Variants in SGCZ observed in about 807,000 individuals in gnomAD.
SGCZ encodes the protein zeta-sarcoglycan.
A neutral mutation model predicts 41.3 loss-of-function variants in SGCZ; 40 were observed. The observed-to-expected ratio is 0.97, with a 90% CI of 0.75 to 1.26. The LOEUF (loss-of-function observed/expected upper bound fraction) is 1.26. Among genes scored for constraint, SGCZ ranks in the 50% most tolerant of loss-of-function variants. The pLI is 0.00. For missense variants in SGCZ, 552 were observed against 369.8 expected (o/e 1.49, Z -4.04); for synonymous variants, 206 against 137.5 (o/e 1.50, Z -3.49).
intron 1 of SGCZ, among the ~76,000 whole-genome samples, chr8:14,686,577 A>ACGGC (rs1808618210): frequency 6.6e-6 from 1 of 152,056 alleles, no homozygotes; most frequent in Non-Finnish European, 1.5e-5. Context: ...AAACAGGAAG[A>ACGGC]CGGCCAGGTT....
intron 5 of SGCZ, among the ~76,000 whole-genome samples, chr8:14,157,124 A>C (rs1803899053): frequency 6.6e-6 from 1 of 151,970 alleles, no homozygotes; most frequent in Admixed American, 6.6e-5. Context: ...ACAAACATAT[A>C]AGTAGTATGT....
intron 3 of SGCZ, among the ~76,000 whole-genome samples, chr8:14,279,191 G>T (rs190617651): frequency 4.6e-5 from 7 of 151,332 alleles, no homozygotes; most frequent in Non-Finnish European, 8.8e-5. Context: ...GAGGAGCAAG[G>T]GGGGAAAGGG....
At chr8:14,923,780 T>C (rs1435564343) in intron 1 of SGCZ, among the ~76,000 whole-genome samples, 2 of 152,238 alleles carry the variant, frequency 1.3e-5, no homozygotes, top group Non-Finnish European at 2.9e-5. Flanking sequence ...TAAATTGTAT[T>C]TTATAATCAT....
chr8:14,088,978 T>C lies in SGCZ; in HGVS notation c.*1465A>G, dbSNP rs936601243. 8.6e-5 allele frequency among the ~76,000 whole-genome samples: 13 copies of C among 151,908 alleles called. No individual in the cohort carries two copies. The highest frequency in any genetic ancestry group is 3.1e-4 in the African/African-American group (13 of 41,410). On this transcript the variant is annotated 3_prime_UTR_variant, in exon 8 of 8. Coordinates refer to ENST00000382080, the MANE Select transcript of SGCZ (RefSeq NM_139167.4). ...GAGGGAGAAAAACGTTTGATTGACA[T>C]GTGAAAATTCAGGACTTACCTTATA...
At chr8:14,680,514 T>C (rs1163077480) in intron 1 of SGCZ, among the ~76,000 whole-genome samples, 2 of 152,064 alleles carry the variant, frequency 1.3e-5, no homozygotes, top group African/African-American at 4.8e-5. Flanking sequence ...CTAAAAATTA[T>C]CTATTAAAAA....
intron 1 of SGCZ, among the ~76,000 whole-genome samples, chr8:15,030,527 A>G (rs1164451706): frequency 6.6e-6 from 1 of 152,124 alleles, no homozygotes; most frequent in African/African-American, 2.4e-5. Flanking sequence ...GACTTAGAGG[A>G]TGTGGAAGAA....
At chr8:14,433,431 A>G (rs1412309052) in intron 2 of SGCZ, among the ~76,000 whole-genome samples, 1 of 152,228 alleles carries the variant, frequency 6.6e-6, no homozygotes, top group Non-Finnish European at 1.5e-5. Context: ...AACTAAAACT[A>G]GGTTATATGC....
chr8:14,458,951 G>A (rs541309185), intron 2 of SGCZ, among the ~76,000 whole-genome samples: 1 of 152,126 alleles, frequency 6.6e-6, no homozygotes, highest in African/African-American at 2.4e-5. Context: ...GTTCATAAAA[G>A]GTAAGGAAAT....
chr8:14,580,424 T>C (rs1442111545), intron 1 of SGCZ, among the ~76,000 whole-genome samples: 1 of 152,160 alleles, frequency 6.6e-6, no homozygotes, highest in African/African-American at 2.4e-5. Context: ...TAAAACACAG[T>C]TAAATAGAAG....
chr8:14,120,130 G>A (rs2117033115), intron 5 of SGCZ, among the ~76,000 whole-genome samples: 1 of 152,216 alleles, frequency 6.6e-6, no homozygotes, highest in East Asian at 1.9e-4. Flanking sequence ...TCTAAAAAAG[G>A]TATTATCATA....
At chr8:14,792,029 T>C (rs1800972583) in intron 1 of SGCZ, among the ~76,000 whole-genome samples, 1 of 152,214 alleles carries the variant, frequency 6.6e-6, no homozygotes, top group African/African-American at 2.4e-5. Flanking sequence ...TCTAGCATGT[T>C]CTCAGTAGTG....
intron 3 of SGCZ, among the ~76,000 whole-genome samples, chr8:14,250,561 G>A (rs1014868183): frequency 1.1e-4 from 17 of 152,092 alleles, no homozygotes; most frequent in Admixed American, 3.3e-4. Flanking sequence ...GTCCTAGAGC[G>A]ATATGGAACC....
chr8:14,970,606 T>A (rs1193673578), intron 1 of SGCZ, among the ~76,000 whole-genome samples: 3 of 152,192 alleles, frequency 2.0e-5, no homozygotes, highest in Non-Finnish European at 4.4e-5. Context: ...GAAAATCGGT[T>A]GTTCACATAT....
chr8:14,797,438 G>A (rs1034830128), intron 1 of SGCZ, among the ~76,000 whole-genome samples: 2 of 152,180 alleles, frequency 1.3e-5, no homozygotes, highest in South Asian at 4.1e-4. Flanking sequence ...CCCTATCTTA[G>A]AGCTCTGTGT....
chr8:14,246,300 C>T (rs187777632), intron 3 of SGCZ, among the ~76,000 whole-genome samples: 2,132 of 152,160 alleles, frequency 0.014, 42 homozygotes, highest in South Asian at 0.074. Flanking sequence ...TTTGTAGGGA[C>T]ACGGATGAAA....
In SGCZ at chr8:14,089,041, TAC is replaced by T. The variant is rs1801609672; in HGVS notation, c.*1400_*1401del. 1.3e-5 allele frequency among the ~76,000 whole-genome samples: 2 copies of T among 152,004 alleles called. No homozygotes were observed. Among genetic ancestry groups the T allele is most frequent in the Admixed American group, 1.3e-4 (2 of 15,218 alleles). On this transcript the variant is annotated 3_prime_UTR_variant, in exon 8 of 8. Coordinates refer to ENST00000382080, the MANE Select transcript of SGCZ (RefSeq NM_139167.4). ...TCTTCCCATAATAGGAAATACTTAA[TAC>T]AGTTTTACATTCTTTGACTCTGTAA... is the stretch of plus-strand genomic sequence containing the variant.
chr8:14,377,889 A>G (rs928299290), intron 2 of SGCZ, among the ~76,000 whole-genome samples: 4 of 151,374 alleles, frequency 2.6e-5, no homozygotes, highest in Non-Finnish European at 4.4e-5. Context: ...ATAGTATTCC[A>G]TGGTGTATAT....
At chr8:14,960,434 T>C (rs915308428) in intron 1 of SGCZ, among the ~76,000 whole-genome samples, 3 of 152,072 alleles carry the variant, frequency 2.0e-5, no homozygotes, top group Admixed American at 1.3e-4. Flanking sequence ...GATGCAATGA[T>C]TCAAATGAAA....
chr8:14,677,773 T>G (rs894684734), intron 1 of SGCZ, among the ~76,000 whole-genome samples: 1 of 152,110 alleles, frequency 6.6e-6, no homozygotes, highest in African/African-American at 2.4e-5. Flanking sequence ...TCCGTCTAAA[T>G]AAATAAATAC....
Sources: allele counts gnomAD v4.1 joint callset (sites outside exome capture counted in the v4.1 genomes callset), GRCh38; gene constraint gnomAD v4.1.1; transcripts MANE v1.5; gene names NCBI Gene and HGNC (gene_info 2026-07-23, HGNC 2026-07-21).